DOCK3: variants seen among roughly 807,000 people sequenced by gnomAD.
DOCK3 encodes the protein dedicator of cytokinesis 3.
A neutral mutation model predicts 265.6 loss-of-function variants in DOCK3; 60 were observed. The observed-to-expected ratio is 0.23, with a 90% confidence interval of 0.18 to 0.28. The LOEUF (loss-of-function observed/expected upper bound fraction) is 0.28, where lower values mean the gene tolerates loss of function less well. Among genes scored for constraint, DOCK3 ranks in the 10% least tolerant of loss-of-function variants. The pLI is 1.00. For missense variants in DOCK3, 1,981 were observed against 2,594.3 expected, an observed-to-expected ratio of 0.76 and a Z score of 5.14; for synonymous variants, 881 against 938.0, an observed-to-expected ratio of 0.94 and a Z score of 1.11.
chr3:50,813,282 C>T (rs901098558), intron 2 of DOCK3, among the ~76,000 whole-genome samples: 5 of 152,178 alleles, frequency 3.3e-5, no homozygotes, highest in African/African-American at 9.7e-5. Context: ...ACCTGTAATC[C>T]TAGCACTTTG....
chr3:50,733,647 T>C (rs373028701), intron 1 of DOCK3, among the ~76,000 whole-genome samples: 2 of 152,246 alleles, frequency 1.3e-5, no homozygotes, highest in African/African-American at 4.8e-5. Flanking sequence ...AGGCAACATA[T>C]AGTTGGATCA....
At chr3:51,360,086 T>C (rs1339933872) in intron 46 of DOCK3, among the ~76,000 whole-genome samples, 1 of 152,222 alleles carries the variant, frequency 6.6e-6, no homozygotes, top group Admixed American at 6.5e-5. Context: ...CTGGGCCATT[T>C]AGCAGTCTAA....
intron 4 of DOCK3, among the ~76,000 whole-genome samples, chr3:50,905,833 C>T (rs2049461804): frequency 1.3e-5 from 2 of 152,086 alleles, no homozygotes; most frequent in South Asian, 4.1e-4. Flanking sequence ...GCATCCCTGT[C>T]TTGTGCCAGT....
chr3:50,932,430 A>G (rs1482679669), intron 4 of DOCK3, among the ~76,000 whole-genome samples: 1 of 152,116 alleles, frequency 6.6e-6, no homozygotes, highest in Non-Finnish European at 1.5e-5. Flanking sequence ...TGGCTAATAA[A>G]CGGGTATAAG....
chr3:50,873,557 T>C (rs2107600035), intron 3 of DOCK3, among the ~76,000 whole-genome samples: 1 of 152,308 alleles, frequency 6.6e-6, no homozygotes, highest in African/African-American at 2.4e-5. Flanking sequence ...AGCTGTTATC[T>C]CATTAGATTG....
At chr3:50,760,956 T>C (rs939634875) in intron 1 of DOCK3, among the ~76,000 whole-genome samples, 4 of 152,080 alleles carry the variant, frequency 2.6e-5, no homozygotes, top group Admixed American at 1.3e-4. Context: ...TAATTTTTTG[T>C]ATTTTTAGTA....
intron 12 of DOCK3, among the ~76,000 whole-genome samples, chr3:51,173,776 A>G (rs1244533745): frequency 1.3e-5 from 2 of 152,210 alleles, no homozygotes; most frequent in Non-Finnish European, 2.9e-5. Context: ...CACTTTGACA[A>G]GATCATATTC....
Position 51,260,170 on chromosome 3 carries a change from T to G in DOCK3, c.2199T>G (p.Leu733=), listed in dbSNP as rs752169115. The G allele has an allele frequency of 2.8e-5, 45 of 1,613,022 alleles. No homozygotes were observed. The highest frequency in any genetic ancestry group is 3.6e-5 in the Non-Finnish European group (43 of 1,179,496). Residue 733 remains leucine (L), a synonymous_variant, in exon 23 of 53, where the codon CTT becomes CTG. Coordinates refer to ENST00000266037, the MANE Select transcript of DOCK3 (RefSeq NM_004947.5). Reference sequence around the variant, plus strand: ...ACACTTTTCAGGCCTTGGAGTACCTTTTCAAGTTCATTGTACAGTCACGGA... The same window carrying G: ...ACACTTTTCAGGCCTTGGAGTACCTGTTCAAGTTCATTGTACAGTCACGGA... ...IQEAMRALEY[L]FKFIVQSRIL...
intron 3 of DOCK3, among the ~76,000 whole-genome samples, chr3:50,880,300 G>A (rs1244410951): frequency 1.3e-5 from 2 of 151,756 alleles, no homozygotes; most frequent in African/African-American, 4.8e-5. Flanking sequence ...AGGAGATAGA[G>A]ACACAAAAAA....
intron 2 of DOCK3, among the ~76,000 whole-genome samples, chr3:50,833,052 C>G (rs894436976): frequency 2.6e-5 from 4 of 152,136 alleles, no homozygotes; most frequent in Non-Finnish European, 5.9e-5. Context: ...AATAAGAAAG[C>G]TTTTCATGAA....
chr3:51,261,238 C>G (rs1207411457), intron 23 of DOCK3, among the ~76,000 whole-genome samples: 3 of 151,636 alleles, frequency 2.0e-5, no homozygotes. Flanking sequence ...TTGGGACTGG[C>G]TAGACAGTGG....
chr3:50,922,217 C>T (rs977295385), intron 4 of DOCK3, among the ~76,000 whole-genome samples: 6 of 152,222 alleles, frequency 3.9e-5, no homozygotes, highest in Admixed American at 3.3e-4. Context: ...GTTCAAGCTT[C>T]CTGGCCACTT....
At chr3:51,192,182 G>GT (rs2087985318) in intron 12 of DOCK3, among the ~76,000 whole-genome samples, 1 of 151,082 alleles carries the variant, frequency 6.6e-6, no homozygotes. Flanking sequence ...TTTTCCCTAG[G>GT]TTTTCAAACT....
chr3:51,125,497 G>C (rs1479467914), intron 9 of DOCK3, among the ~76,000 whole-genome samples: 1 of 151,996 alleles, frequency 6.6e-6, no homozygotes, highest in Non-Finnish European at 1.5e-5. Context: ...CCTCATTTTG[G>C]ACTAAGTCTG....
intron 1 of DOCK3, among the ~76,000 whole-genome samples, chr3:50,717,198 G>C (rs536076409): frequency 6.6e-6 from 1 of 152,336 alleles, no homozygotes; most frequent in African/African-American, 2.4e-5. Context: ...CAGTGCTTCA[G>C]TGAGTGACCT....
chr3:50,827,351 T>C (rs1159633010), intron 2 of DOCK3, among the ~76,000 whole-genome samples: 2 of 152,232 alleles, frequency 1.3e-5, no homozygotes, highest in Admixed American at 1.3e-4. Context: ...ACAGATTTAA[T>C]GCCTAGTAAG....
chr3:50,895,963 C>T (rs2048874771), intron 4 of DOCK3, among the ~76,000 whole-genome samples: 1 of 152,084 alleles, frequency 6.6e-6, no homozygotes, highest in African/African-American at 2.4e-5. Flanking sequence ...CTATTCTGAA[C>T]AGTGCTGCAA....
intron 5 of DOCK3, among the ~76,000 whole-genome samples, chr3:51,016,643 ATTTAT>A (rs1272626463): frequency 6.6e-5 from 1 of 15,168 alleles, no homozygotes; most frequent in African/African-American, 6.1e-4. Flanking sequence ...TATGATATAT[ATTTAT>A]ATGTTTATAT....
rs139096555 is a variant in DOCK3 at position 51,371,865 on chromosome 3, C to T, written c.5294-2604C>T. 5.9e-3 allele frequency among the ~76,000 whole-genome samples: 895 copies of T among 152,310 alleles called. 12 individuals carry two copies. Among genetic ancestry groups the T allele is most frequent in the African/African-American group, 0.019 (786 of 41,550 alleles). On this transcript the variant is annotated intron_variant, in intron 49 of 52. Transcript: ENST00000266037. ...TTTTCTTTATGAGCCAGGCTGTGAG[C>T]TCCATGAGGTGAGAGACCACGGACA...
Sources: gnomAD v4.1 joint callset for allele counts (sites outside exome capture counted in the v4.1 genomes callset) on GRCh38, gnomAD v4.1.1 for gene constraint, MANE v1.5 for transcripts, NCBI Gene and HGNC (gene_info 2026-07-23, HGNC 2026-07-21) for gene names.